Variants in CCDC144A observed in about 807,000 individuals in gnomAD.
The protein encoded by CCDC144A is coiled-coil domain-containing protein 144A.
A neutral mutation model predicts 143.8 loss-of-function variants in CCDC144A; 41 were observed. That is an observed-to-expected ratio of 0.29 (90% confidence interval 0.22 to 0.37). The LOEUF (loss-of-function observed/expected upper bound fraction) is 0.37, where lower values mean the gene tolerates loss of function less well. Among genes scored for constraint, CCDC144A ranks in the 10% least tolerant of loss-of-function variants. The pLI, the probability that CCDC144A is intolerant of heterozygous loss-of-function variation, is 1.00. For missense variants in CCDC144A, 637 were observed against 1,488.8 expected, an observed-to-expected ratio of 0.43 and a Z score of 9.41; for synonymous variants, 242 against 517.9, an observed-to-expected ratio of 0.47 and a Z score of 7.23.
Position 16,755,331 on chromosome 17 carries a change from C to T in CCDC144A, c.3373-6094C>T, listed in dbSNP as rs1360391336. Among the ~76,000 whole-genome samples the T allele has an allele frequency of 2.0e-5, 3 of 152,238 alleles. No individual in the cohort carries two copies. In the East Asian group the frequency reaches 5.8e-4, roughly 29 times the overall value. ...CCTATCTTCCTCTTTTATTGTTTAC[C>T]TCTACAATTTGCTGGTTTTCTGTAG... On this transcript the variant is annotated intron_variant, in intron 12 of 16. Coordinates refer to ENST00000399273, the MANE Select transcript of CCDC144A (RefSeq NM_001382000.1).
At chr17:16,708,247 A>G (rs1912170246) in intron 4 of CCDC144A, among the ~76,000 whole-genome samples, 1 of 152,216 alleles carries the variant, frequency 6.6e-6, no homozygotes. Flanking sequence ...ATGTTACAGT[A>G]TATAATTTAA....
chr17:16,767,592 G>A (rs1173720963), intron 15 of CCDC144A, among the ~76,000 whole-genome samples: 6 of 152,146 alleles, frequency 3.9e-5, no homozygotes, highest in Admixed American at 6.5e-5. Context: ...TTTTAGCTAC[G>A]ATTTTCAAAA....
intron 12 of CCDC144A, among the ~76,000 whole-genome samples, chr17:16,757,296 A>G (rs1282635432): frequency 2.5e-4 from 38 of 152,382 alleles, no homozygotes; most frequent in African/African-American, 7.7e-4. Flanking sequence ...TATGAGGAAC[A>G]TTTAGGTGGG....
At chr17:16,748,278 A>G (rs1914630402) in intron 12 of CCDC144A, among the ~76,000 whole-genome samples, 1 of 151,914 alleles carries the variant, frequency 6.6e-6, no homozygotes, top group African/African-American at 2.4e-5. Flanking sequence ...TTGATGCCTA[A>G]TTTGTTGGGT....
rs532413829 is a variant in CCDC144A at position 16,690,775 on chromosome 17, G to A, written c.344+31G>A. The A allele has an allele frequency of 3.4e-5, 53 of 1,556,530 alleles. No individual in the cohort carries two copies. The East Asian group carries it at 1.2e-3, about 34-fold the overall frequency. On this transcript the variant is annotated intron_variant, in intron 1 of 16. Transcript: ENST00000399273. ...GGCCAGGCGAAGGATGCGCCGTCCTGTCGGGGACACTGGCTTTCTGGTGCC... is the reference window on the plus strand; with the variant it reads ...GGCCAGGCGAAGGATGCGCCGTCCTATCGGGGACACTGGCTTTCTGGTGCC...
intron 15 of CCDC144A, among the ~76,000 whole-genome samples, chr17:16,770,039 G>T (rs1467916032): frequency 6.6e-6 from 1 of 151,470 alleles, no homozygotes; most frequent in Admixed American, 6.6e-5. Flanking sequence ...TATTGTCCAG[G>T]CTGGTCTTGA....
rs1401668484 is a variant in CCDC144A at position 16,733,968 on chromosome 17, T to C, written c.2419-722T>C. On this transcript the variant is annotated intron_variant, in intron 11 of 16. Coordinates refer to ENST00000399273, the MANE Select transcript of CCDC144A (RefSeq NM_001382000.1). ...GCCTGGGCAGCATGGCGAAACCCCATCTCTACAAAAAGTACAAATACATTT... is the reference window on the plus strand; with the variant it reads ...GCCTGGGCAGCATGGCGAAACCCCACCTCTACAAAAAGTACAAATACATTT... 1.7e-4 allele frequency among the ~76,000 whole-genome samples: 26 copies of C among 152,032 alleles called. 1 individual carries two copies. In the Middle Eastern group the frequency reaches 0.014, roughly 80 times the overall value.
At chr17:16,693,980 G>GA (rs1471662142) in intron 2 of CCDC144A, among the ~76,000 whole-genome samples, 3 of 147,824 alleles carry the variant, frequency 2.0e-5, no homozygotes, top group African/African-American at 7.4e-5. Flanking sequence ...AAACTGTTAA[G>GA]AAAATCATAA....
intron 15 of CCDC144A, among the ~76,000 whole-genome samples, chr17:16,770,417 G>T (rs1915781751): frequency 6.6e-6 from 1 of 152,250 alleles, no homozygotes; most frequent in African/African-American, 2.4e-5. Context: ...CCAAAGTGCT[G>T]GGATTACAGG....
chr17:16,675,484 G>T, the CCDC144A span, among the ~76,000 whole-genome samples: 16 of 150,628 alleles, frequency 1.1e-4, no homozygotes, highest in African/African-American at 3.7e-4. Context: ...AATGCTTACA[G>T]CTTCCCACAC....
the CCDC144A span, among the ~76,000 whole-genome samples, chr17:16,674,990 C>T: frequency 5.3e-5 from 8 of 150,834 alleles, no homozygotes; most frequent in Admixed American, 2.6e-4. Flanking sequence ...TTTTTTAGGC[C>T]GGGCGTGGTG....
chr17:16,699,505 A>G (rs1469405946), intron 2 of CCDC144A, among the ~76,000 whole-genome samples: 1 of 7,140 alleles, frequency 1.4e-4, no homozygotes, highest in Non-Finnish European at 2.4e-4. Context: ...CCTCCTGAGT[A>G]GCTGGGATTA....
chr17:16,683,442 C>T, the CCDC144A span: 2 of 1,165,276 alleles, frequency 1.7e-6, no homozygotes, highest in Non-Finnish European at 2.5e-6. Flanking sequence ...GAGCGATGAG[C>T]CGGCTTCTGT....
At chr17:16,676,456 G>C in the CCDC144A span, among the ~76,000 whole-genome samples, 14 of 151,298 alleles carry the variant, frequency 9.3e-5, no homozygotes, top group South Asian at 3.0e-3. Flanking sequence ...GCTTGCAGTG[G>C]GCAGAGATGG....
intron 6 of CCDC144A, among the ~76,000 whole-genome samples, chr17:16,717,103 C>CTTTTTTTTTTT (rs1195816990): frequency 2.4e-5 from 3 of 126,528 alleles, no homozygotes; most frequent in South Asian, 2.7e-4. Context: ...GCTCGGCCAG[C>CTTTTTTTTTTT]TTTTTTTTTT....
chr17:16,732,546 G>C lies in CCDC144A; in HGVS notation c.2298G>C (p.Gln766His), dbSNP rs994320268. Residue 766 changes from glutamine to histidine, a missense_variant, in exon 11 of 17, where the codon CAG (glutamine) becomes CAC (histidine). Gln to His is a conservative substitution (Grantham distance 24). Coordinates refer to ENST00000399273, the MANE Select transcript of CCDC144A (RefSeq NM_001382000.1). ...TVRNNLDLVVQERNDAQKQLS... is the reference protein window; with the variant it reads ...TVRNNLDLVVHERNDAQKQLS... ...CTCCATGTTATCTCTAGGTTGTGCA[G>C]GAGAGAAACGATGCCCAGAAGCAAC... The C allele has an allele frequency of 1.2e-6, 2 of 1,608,374 alleles. No homozygotes were observed. The highest frequency in any genetic ancestry group is 3.4e-5 in the Admixed American group (2 of 58,972).
chr17:16,707,583 A>G, intron 4 of CCDC144A, 41 bp downstream of exon 4: 2 of 1,339,042 alleles, frequency 1.5e-6, no homozygotes, highest in Non-Finnish European at 2.1e-6. Context: ...TTCTGGTTTA[A>G]TACTCTTTTC....
chr17:16,736,591 T>G (rs1266599242), intron 12 of CCDC144A, among the ~76,000 whole-genome samples: 2 of 151,992 alleles, frequency 1.3e-5, no homozygotes, highest in Non-Finnish European at 2.9e-5. Flanking sequence ...ACTTTGATAG[T>G]ACAAAGGTAA....
intron 6 of CCDC144A, among the ~76,000 whole-genome samples, chr17:16,719,680 G>T (rs1220603008): frequency 1.3e-5 from 2 of 151,740 alleles, no homozygotes; most frequent in African/African-American, 4.8e-5. Flanking sequence ...AGGATTATAT[G>T]AGTTTGACAC....
Sources: gnomAD v4.1 joint callset for allele counts (sites outside exome capture counted in the v4.1 genomes callset) on GRCh38, gnomAD v4.1.1 for gene constraint, MANE v1.5 for transcripts, NCBI Gene and HGNC (gene_info 2026-07-23, HGNC 2026-07-21) for gene names.